Variants in MYO5A observed in about 807,000 individuals in gnomAD.
The protein encoded by MYO5A is myosin VA.
MYO5A carries 98 observed loss-of-function variants against 249.7 expected under a neutral mutation model. The observed-to-expected ratio is 0.39, with a 90% CI of 0.33 to 0.46. The LOEUF is 0.46. MYO5A is among the 20% of genes least tolerant of loss of function. The pLI, the probability that MYO5A is intolerant of heterozygous loss-of-function variation, is 0.98. For synonymous variants in MYO5A, 778 were observed against 810.6 expected, an observed-to-expected ratio of 0.96 and a Z score of 0.68; for missense variants, 1,696 against 2,308.8, an observed-to-expected ratio of 0.73 and a Z score of 5.44.
At chr15:52,349,726 A>C (rs2039843833) in intron 28 of MYO5A, among the ~76,000 whole-genome samples, 2 of 152,124 alleles carry the variant, frequency 1.3e-5, no homozygotes, top group East Asian at 1.9e-4. Flanking sequence ...AAGAATACTA[A>C]TTTGTCTCAA....
intron 28 of MYO5A, among the ~76,000 whole-genome samples, chr15:52,349,678 T>C (rs1479978340): frequency 6.6e-6 from 1 of 152,218 alleles, no homozygotes; most frequent in East Asian, 1.9e-4. Flanking sequence ...CCCATAAATA[T>C]ATACAATTAT....
At chr15:52,327,826 G>T in intron 36 of MYO5A, 26 bp downstream of exon 36, 1 of 1,597,060 alleles carries the variant, frequency 6.3e-7, no homozygotes, top group South Asian at 1.1e-5. Flanking sequence ...AATTCATGAT[G>T]AGAATTTTGT....
chr15:52,495,785 G>T (rs749919914), intron 1 of MYO5A, among the ~76,000 whole-genome samples: 2 of 152,294 alleles, frequency 1.3e-5, no homozygotes, highest in South Asian at 4.1e-4. Flanking sequence ...TTTCTTGAGA[G>T]AGAATCCCTT....
chr15:52,526,388 T>A (rs2077730646), intron 1 of MYO5A, among the ~76,000 whole-genome samples: 1 of 151,982 alleles, frequency 6.6e-6, no homozygotes, highest in South Asian at 2.1e-4. Flanking sequence ...TTATTTATTT[T>A]TTGAGACAGA....
In MYO5A at chr15:52,379,866, A is replaced by T. The variant is rs2041641266; in HGVS notation, c.2055T>A (p.Gly685=). The T allele has an allele frequency of 6.2e-7, 1 of 1,614,040 alleles. No homozygotes were observed. The highest frequency in any genetic ancestry group is 1.7e-5 in the Admixed American group (1 of 59,996). Residue 685 remains glycine, a synonymous_variant, in exon 17 of 42, where the codon GGT becomes GGA. Coordinates refer to ENST00000399233, the MANE Select transcript of MYO5A (RefSeq NM_001382347.1). ...CACTGATTCGGATGGTTTCCAGGAC[A>T]CCACATGCTCTCAGCTGCTGCACTG... ...KRAVQQLRAC[G]VLETIRISAA...
rs978052973 is a variant in MYO5A, at chr15:52,309,490, T to C, written c.*4206A>G. On this transcript the variant is annotated 3_prime_UTR_variant, in exon 42 of 42. Coordinates refer to ENST00000399233, the MANE Select transcript of MYO5A (RefSeq NM_001382347.1). ...GCAGCACGTGACCTCACGACATTTT[T>C]AAAGTCTCCTGCATCACAGGTGCCC... is the stretch of plus-strand genomic sequence containing the variant. The C allele has an allele frequency of 3.9e-5, 6 of 152,164 alleles. No individual in the cohort carries two copies. Among genetic ancestry groups the C allele is most frequent in the Admixed American group, 3.9e-4 (6 of 15,278 alleles). The allele number at this position is 152,164 out of a possible 1,614,324, so 9.4% of individuals were successfully genotyped here. A position where few individuals can be genotyped will look rare whatever the true frequency, so the allele number is the denominator to read the frequency against.
chr15:52,473,394 T>G (rs921541038), intron 1 of MYO5A, among the ~76,000 whole-genome samples: 20 of 152,230 alleles, frequency 1.3e-4, no homozygotes, highest in African/African-American at 4.1e-4. Context: ...AGCTCTTTAG[T>G]TTAATTAGAT....
intron 32 of MYO5A, among the ~76,000 whole-genome samples, chr15:52,338,224 CTT>C (rs561714948): frequency 0.097 from 12,430 of 128,688 alleles, 1,726 homozygotes; most frequent in African/African-American, 0.32. Context: ...ACTTGCTGCA[CTT>C]TTTTTTTTTT....
At chr15:52,439,108 C>T (rs1016542077) in intron 1 of MYO5A, among the ~76,000 whole-genome samples, 6 of 152,356 alleles carry the variant, frequency 3.9e-5, no homozygotes, top group Non-Finnish European at 7.3e-5. Context: ...CTATAACACT[C>T]ACCGCATGGC....
In MYO5A at chr15:52,307,546, T is replaced by A. The variant is rs556570546; in HGVS notation, c.*6150A>T. The A allele has an allele frequency of 8.5e-5, 13 of 152,296 alleles. No homozygotes were observed. Among genetic ancestry groups the A allele is most frequent in the Admixed American group, 2.0e-4 (3 of 15,308 alleles). 9.4% of individuals were successfully genotyped at this position (152,296 alleles called of 1,614,324 possible). On this transcript the variant is annotated 3_prime_UTR_variant, in exon 42 of 42. Coordinates refer to ENST00000399233, the MANE Select transcript of MYO5A (RefSeq NM_001382347.1). ...ATATGCTAGAATGGGTTCTAGAGTCTAGAGTTAGTTGATAATGCCTTTCAT... is the reference window on the plus strand; with the variant it reads ...ATATGCTAGAATGGGTTCTAGAGTCAAGAGTTAGTTGATAATGCCTTTCAT...
chr15:52,354,091 C>T, intron 25 of MYO5A, 77 bp from the exon 26 acceptor site: 7 of 1,555,564 alleles, frequency 4.5e-6, no homozygotes, highest in Non-Finnish European at 6.2e-6. Flanking sequence ...ACAAACAGCT[C>T]AATGGAAAAA....
At chr15:52,437,989 C>A in intron 1 of MYO5A, 1 of 970,642 alleles carries the variant, frequency 1.0e-6, no homozygotes, top group Middle Eastern at 5.3e-4. Flanking sequence ...CTGAGGAAAG[C>A]ATCCAAGGAG....
chr15:52,449,509 C>T (rs2075969731), intron 1 of MYO5A, among the ~76,000 whole-genome samples: 2 of 152,174 alleles, frequency 1.3e-5, no homozygotes, highest in Non-Finnish European at 2.9e-5. Flanking sequence ...TCTTTAAGGG[C>T]TCACCTTTCA....
chr15:52,468,124 A>G (rs1273620853), intron 1 of MYO5A, among the ~76,000 whole-genome samples: 1 of 152,184 alleles, frequency 6.6e-6, no homozygotes, highest in Non-Finnish European at 1.5e-5. Context: ...CTGAGGCATG[A>G]GGATTGCTTG....
Position 52,383,124 on chromosome 15 carries a change from C to T in MYO5A, c.1979G>A (p.Cys660Tyr). ...GAACTTGAAGTCATTAGGCTTGATA[C>T]AGCGCACATAGTGAGGGGTAGTGGC... ...LNATTPHYVR[C>Y]IKPNDFKFPF... The change falls in exon 16 of 42, where the codon TGT (cysteine) becomes TAT (tyrosine). Residue 660 changes from cysteine (C) to tyrosine (Y), a missense_variant. Around this residue, in one of 5 missense-constraint regions of MYO5A, gnomAD observed 277 missense variants for 422.4 expected, o/e 0.66. Coordinates refer to ENST00000399233, the MANE Select transcript of MYO5A (RefSeq NM_001382347.1). 1 of 1,613,894 alleles carries T rather than the reference C, an allele frequency of 6.2e-7. No individual in the cohort carries two copies. Among genetic ancestry groups the T allele is most frequent in the Non-Finnish European group, 8.5e-7 (1 of 1,179,822 alleles).
At chr15:52,322,766 T>C (rs563662177) in intron 37 of MYO5A, among the ~76,000 whole-genome samples, 40 of 134,666 alleles carry the variant, frequency 3.0e-4, no homozygotes, top group African/African-American at 1.2e-3. Flanking sequence ...TTGATCACCC[T>C]TTTTTTTTTT....
At chr15:52,376,680 T>G in intron 18 of MYO5A, 122 bp from the exon 19 acceptor site, 1 of 933,390 alleles carries the variant, frequency 1.1e-6, no homozygotes. Flanking sequence ...TTGGGCTACA[T>G]CACAATTAAC....
At position 52,410,329 on chromosome 15, in the gene MYO5A, T is replaced by C; in HGVS notation, c.756+4A>G. 1 of 1,613,184 alleles carries C rather than the reference T, an allele frequency of 6.2e-7. No individual in the cohort carries two copies. Among genetic ancestry groups the C allele is most frequent in the Non-Finnish European group, 8.5e-7 (1 of 1,179,356 alleles). On this transcript the variant is annotated splice_donor_region_variant and intron_variant, in intron 6 of 41. Coordinates refer to ENST00000399233, the MANE Select transcript of MYO5A (RefSeq NM_001382347.1). ...AAGTGCATATGTGTATATGGCCAGC[T>C]TACCTGGAATACCACTCTGGATTTC...
At chr15:52,505,944 T>C (rs1355588350) in intron 1 of MYO5A, 1 of 1,257,918 alleles carries the variant, frequency 7.9e-7, no homozygotes, top group East Asian at 2.4e-5. Flanking sequence ...CTGGGCGCAG[T>C]GGCTCATACC....
Sources: allele counts gnomAD v4.1 joint callset (sites outside exome capture counted in the v4.1 genomes callset), GRCh38; gene constraint gnomAD v4.1.1; regional missense constraint gnomAD v4.1.1; transcripts MANE v1.5; gene names NCBI Gene and HGNC (gene_info 2026-07-23, HGNC 2026-07-21).